PTPRD: variants seen among roughly 807,000 people sequenced by gnomAD.
The protein encoded by PTPRD is protein tyrosine phosphatase receptor type D.
PTPRD carries 34 observed loss-of-function variants against 214.5 expected under a neutral mutation model. That is an observed-to-expected ratio of 0.16 (90% CI 0.12 to 0.21). The LOEUF is 0.21. Ranked by LOEUF, PTPRD falls within the 10% of genes least tolerant of loss-of-function variation. The pLI is 1.00. For missense variants in PTPRD, 2,545 were observed against 2,398.7 expected, an observed-to-expected ratio of 1.06 and a Z score of -1.27; for synonymous variants, 1,128 against 845.7, an observed-to-expected ratio of 1.33 and a Z score of -5.79.
intron 5 of PTPRD, among the ~76,000 whole-genome samples, chr9:9,771,285 T>C (rs1275726609): frequency 1.3e-5 from 2 of 152,182 alleles, no homozygotes; most frequent in African/African-American, 4.8e-5. Flanking sequence ...TCTTTTAAGG[T>C]ATCTGATAGT....
At chr9:9,416,562 GGTTTCTGGTTTCCTCTCTAAT>G (rs1321132006) in intron 8 of PTPRD, among the ~76,000 whole-genome samples, 1 of 151,296 alleles carries the variant, frequency 6.6e-6, no homozygotes, top group African/African-American at 2.4e-5. Flanking sequence ...TAACTTAGTT[GGTTTCTGGTTTCCTCTCTAAT>G]GTTATTCCTT....
chr9:9,027,110 C>T (rs2099589961), intron 10 of PTPRD, among the ~76,000 whole-genome samples: 1 of 151,676 alleles, frequency 6.6e-6, no homozygotes, highest in Non-Finnish European at 1.5e-5. Context: ...GATTGTACTT[C>T]AGCTTTCTTG....
At chr9:8,819,173 CTG>C (rs2096987448) in intron 11 of PTPRD, among the ~76,000 whole-genome samples, 2 of 152,106 alleles carry the variant, frequency 1.3e-5, no homozygotes, top group South Asian at 2.1e-4. Flanking sequence ...AGCACTTACT[CTG>C]TGTCTTGAGT....
chr9:8,965,320 C>G (rs1401700567), intron 11 of PTPRD, among the ~76,000 whole-genome samples: 2 of 150,442 alleles, frequency 1.3e-5, no homozygotes, highest in South Asian at 2.1e-4. Flanking sequence ...GCGGAGGTTG[C>G]AGTGAGCTGA....
intron 19 of PTPRD, among the ~76,000 whole-genome samples, chr9:8,521,944 G>A (rs1364246622): frequency 3.9e-5 from 6 of 152,176 alleles, no homozygotes; most frequent in South Asian, 2.1e-4. Flanking sequence ...TCACCAGCAT[G>A]TTTAAGTTGA....
At chr9:9,060,561 CAA>C (rs2099705211) in intron 10 of PTPRD, among the ~76,000 whole-genome samples, 1 of 151,224 alleles carries the variant, frequency 6.6e-6, no homozygotes, top group South Asian at 2.1e-4. Flanking sequence ...CTAGGAAAGA[CAA>C]AGAGGAAAGA....
At chr9:9,407,404 C>T (rs1040454217) in intron 8 of PTPRD, among the ~76,000 whole-genome samples, 1 of 151,686 alleles carries the variant, frequency 6.6e-6, no homozygotes, top group East Asian at 1.9e-4. Context: ...CATATTTGTA[C>T]GTGTTTAATT....
intron 9 of PTPRD, among the ~76,000 whole-genome samples, chr9:9,349,590 GT>G (rs34166604): frequency 0.22 from 31,639 of 145,794 alleles, 3,863 homozygotes; most frequent in East Asian, 0.6. Context: ...ATTTCTCTAA[GT>G]TTTTTTTTTT....
chr9:10,127,746 C>G (rs1393101233), intron 3 of PTPRD, among the ~76,000 whole-genome samples: 1 of 152,146 alleles, frequency 6.6e-6, no homozygotes, highest in Non-Finnish European at 1.5e-5. Flanking sequence ...AATCTGGCCT[C>G]ATTTTCTCAT....
intron 6 of PTPRD, among the ~76,000 whole-genome samples, chr9:9,762,699 CAGAACCGCATATATTTCTTTCAT>C (rs1377261551): frequency 5.9e-5 from 9 of 152,200 alleles, no homozygotes; most frequent in Non-Finnish European, 1.3e-4. Context: ...AAGACTTCAT[CAGAACCGCATATATTTCTTTCAT>C]GCAACTCAGA....
intron 9 of PTPRD, among the ~76,000 whole-genome samples, chr9:9,284,661 T>C (rs761724580): frequency 2.6e-5 from 4 of 151,766 alleles, no homozygotes; most frequent in Non-Finnish European, 4.4e-5. Context: ...AGATATTTTC[T>C]AGAATTTTAA....
intron 8 of PTPRD, among the ~76,000 whole-genome samples, chr9:9,533,052 A>T (rs1173373090): frequency 5.9e-5 from 9 of 152,182 alleles, no homozygotes; most frequent in Non-Finnish European, 7.3e-5. Context: ...TATGGATACA[A>T]ACTCTGGCAT....
intron 7 of PTPRD, among the ~76,000 whole-genome samples, chr9:9,611,731 T>A (rs1190771699): frequency 6.6e-6 from 1 of 152,112 alleles, no homozygotes; most frequent in Non-Finnish European, 1.5e-5. Context: ...ACATGTATAT[T>A]TATTGACTGA....
intron 3 of PTPRD, among the ~76,000 whole-genome samples, chr9:10,171,273 G>A (rs2099203298): frequency 6.6e-6 from 1 of 152,014 alleles, no homozygotes; most frequent in Admixed American, 6.5e-5. Flanking sequence ...CACATGTTGT[G>A]GGAGGGACCT....
chr9:9,188,140 A>G (rs1156716691), intron 9 of PTPRD, among the ~76,000 whole-genome samples: 1 of 152,020 alleles, frequency 6.6e-6, no homozygotes, highest in Non-Finnish European at 1.5e-5. Flanking sequence ...CTTGAACGTT[A>G]TGTAAATGTA....
intron 10 of PTPRD, among the ~76,000 whole-genome samples, chr9:9,149,000 T>C (rs1025537366): frequency 7.2e-5 from 11 of 152,214 alleles, no homozygotes; most frequent in African/African-American, 2.4e-4. Flanking sequence ...GATTTGGTTT[T>C]CCAAAGAGCA....
chr9:10,380,928 T>C (rs951715700), intron 2 of PTPRD, among the ~76,000 whole-genome samples: 1 of 151,982 alleles, frequency 6.6e-6, no homozygotes, highest in Admixed American at 6.6e-5. Flanking sequence ...ACATTGAAAA[T>C]AGTTTTTCAC....
chr9:8,916,318 T>C (rs1421005715), intron 11 of PTPRD, among the ~76,000 whole-genome samples: 1 of 152,176 alleles, frequency 6.6e-6, no homozygotes, highest in Admixed American at 6.5e-5. Context: ...TGGACAATTA[T>C]GACATTTATT....
chr9:9,193,043 C>T (rs1043357313), intron 9 of PTPRD, among the ~76,000 whole-genome samples: 1 of 152,104 alleles, frequency 6.6e-6, no homozygotes, highest in Admixed American at 6.6e-5. Context: ...ATGTTCCATT[C>T]CTCTGTTTTG....
Sources: allele counts gnomAD v4.1 joint callset (sites outside exome capture counted in the v4.1 genomes callset), GRCh38; gene constraint gnomAD v4.1.1; transcripts MANE v1.5; gene names NCBI Gene and HGNC (gene_info 2026-07-23, HGNC 2026-07-21).